Variants in COL15A1 observed in about 807,000 individuals in gnomAD.
COL15A1 encodes collagen alpha-1(XV) chain.
In COL15A1, 111 loss-of-function variants were observed where a neutral mutation model predicts 165.9. The ratio of observed to expected loss-of-function variants is 0.67; its 90% confidence interval spans 0.57 to 0.78. The LOEUF (loss-of-function observed/expected upper bound fraction) is 0.78. Among genes scored for constraint, COL15A1 ranks in the 30% least tolerant of loss-of-function variants. The pLI is 0.00. For missense variants in COL15A1, 1,745 were observed against 1,789.7 expected (o/e 0.98, Z 0.45); for synonymous variants, 659 against 674.8 (o/e 0.98, Z 0.36).
intron 35 of COL15A1, among the ~76,000 whole-genome samples, chr9:99,058,327 T>G (rs962270123): frequency 7.2e-4 from 110 of 152,292 alleles, no homozygotes; most frequent in African/African-American, 2.6e-3. Flanking sequence ...TCGGATCACA[T>G]GAGAACATGG....
chr9:98,977,985 C>T (rs1838168140), intron 2 of COL15A1, among the ~76,000 whole-genome samples: 1 of 152,306 alleles, frequency 6.6e-6, no homozygotes, highest in Non-Finnish European at 1.5e-5. Flanking sequence ...AGCTGACCAA[C>T]CATTGGCCAG....
At chr9:99,000,811 T>C (rs1334370517) in intron 6 of COL15A1, 28 bp from the exon 7 acceptor site, 1 of 1,047,734 alleles carries the variant, frequency 9.5e-7, no homozygotes, top group Non-Finnish European at 1.5e-6. Context: ...AATGTAGTTA[T>C]TGATAGCAGA....
rs373629283 is a variant in COL15A1, at chr9:98,968,640, CAA to C, written c.101-16923_101-16922del. 8.6e-4 allele frequency among the ~76,000 whole-genome samples: 131 copies of C among 152,304 alleles called. 1 individual carries two copies. The East Asian group carries it at 0.02, about 23-fold the overall frequency. The stretch of plus-strand genomic sequence containing the variant: ...CAAGATCCTTAACTTAATTACATCT[CAA>C]AGACTCTAAATGTAATGAACATATT... On this transcript the variant is annotated intron_variant, in intron 2 of 41. Transcript: ENST00000375001.
At chr9:99,039,879 C>T (rs747244519) in intron 22 of COL15A1, among the ~76,000 whole-genome samples, 1 of 152,128 alleles carries the variant, frequency 6.6e-6, no homozygotes, top group Middle Eastern at 3.2e-3. Context: ...TGTGCAATGC[C>T]GATGTCCCTG....
At chr9:98,951,569 C>T (rs1333867) in intron 2 of COL15A1, among the ~76,000 whole-genome samples, 112,159 of 152,110 alleles carry the variant, frequency 0.74, 41,753 homozygotes, top group East Asian at 1. Context: ...CATTTTTATT[C>T]TATTATTATT....
At chr9:98,987,428 G>C in intron 4 of COL15A1, 60 bp downstream of exon 4, 1 of 1,465,868 alleles carries the variant, frequency 6.8e-7, no homozygotes, top group Admixed American at 2.0e-5. Flanking sequence ...AGCCTGGGGA[G>C]GGCTGGATGC....
intron 21 of COL15A1, among the ~76,000 whole-genome samples, chr9:99,037,751 G>C (rs1839327141): frequency 6.6e-6 from 1 of 152,134 alleles, no homozygotes; most frequent in Admixed American, 6.5e-5. Flanking sequence ...CTTCCTAGAG[G>C]AAGTATCTTT....
chr9:98,970,336 C>T (rs1191165113), intron 2 of COL15A1, among the ~76,000 whole-genome samples: 1 of 152,194 alleles, frequency 6.6e-6, no homozygotes, highest in African/African-American at 2.4e-5. Flanking sequence ...CTTTGTGAAG[C>T]CAGGACCCCA....
chr9:98,965,314 G>C (rs1013598854), intron 2 of COL15A1, among the ~76,000 whole-genome samples: 2 of 152,116 alleles, frequency 1.3e-5, no homozygotes, highest in African/African-American at 4.8e-5. Context: ...GTCTCCTAAA[G>C]GAAAAAGAAT....
chr9:99,061,570 C>T (rs1825816839), intron 36 of COL15A1, among the ~76,000 whole-genome samples: 2 of 152,174 alleles, frequency 1.3e-5, no homozygotes, highest in African/African-American at 4.8e-5. Flanking sequence ...CAAGGACCAG[C>T]ATGAAGTAAC....
At chr9:99,036,082 A>G (rs1371257503) in intron 19 of COL15A1, 88 bp from the exon 20 acceptor site, 1 of 1,110,786 alleles carries the variant, frequency 9.0e-7, no homozygotes, top group Non-Finnish European at 1.4e-6. Context: ...AATAAGCATA[A>G]AAGCTTAGGG....
In COL15A1 at chr9:99,024,268, G is replaced by GTTTTTTTTTTTT. The variant is rs201734908; in HGVS notation, c.1855-598_1855-597insTTTTTTTTTTTT. Reference sequence around the variant, plus strand: ...TAAAAACAAGGCTACACCACAAGCAGTTTTTTTTGTTTTTTTGTTTTTTTT... The same window carrying GTTTTTTTTTTTT: ...TAAAAACAAGGCTACACCACAAGCAGTTTTTTTTTTTTTTTTTTTTGTTTTTTTGTTTTTTTT... On this transcript the variant is annotated intron_variant, in intron 14 of 41. Transcript: ENST00000375001. 9.6e-4 allele frequency among the ~76,000 whole-genome samples: 126 copies of GTTTTTTTTTTTT among 131,444 alleles called. 7 individuals are homozygous for GTTTTTTTTTTTT. The highest frequency in any genetic ancestry group is 3.8e-3 in the Middle Eastern group (1 of 260). 86.2% of individuals were successfully genotyped at this position (131,444 alleles called of 152,430 possible). A position where few individuals can be genotyped will look rare whatever the true frequency, so the allele number is the denominator to read the frequency against.
In COL15A1 at chr9:99,023,372, G is replaced by A; in HGVS notation, c.1777G>A (p.Glu593Lys). Reference protein sequence around the residue: ...PVGPTAGAEAEGSGLGWGSDV... With the variant: ...PVGPTAGAEAKGSGLGWGSDV... ...CTCTTTCCAGGCAGGAGCAGAAGCA[G>A]AGGGCTCTGGCCTAGGCTGGGGCTC... is the stretch of plus-strand genomic sequence containing the variant. The change falls in exon 14 of 42, where the codon GAG becomes AAG. Residue 593 changes from glutamate (E) to lysine (K), a missense_variant. Glu to Lys is a moderately conservative substitution (Grantham distance 56). Coordinates refer to ENST00000375001, the MANE Select transcript of COL15A1 (RefSeq NM_001855.5). 2 of 1,609,388 alleles carry A rather than the reference G, an allele frequency of 1.2e-6. No homozygotes were observed. The highest frequency in any genetic ancestry group is 1.3e-5 in the African/African-American group (1 of 74,896).
At chr9:99,067,101 A>G (rs1302061198) in intron 40 of COL15A1, 34 bp downstream of exon 40, 10 of 1,580,836 alleles carry the variant, frequency 6.3e-6, no homozygotes, top group South Asian at 5.7e-5. Flanking sequence ...TGCCTTCTGC[A>G]TGCATTGGTC....
intron 5 of COL15A1, among the ~76,000 whole-genome samples, chr9:98,991,119 C>T (rs537522770): frequency 2.0e-5 from 3 of 152,260 alleles, no homozygotes; most frequent in East Asian, 3.9e-4. Flanking sequence ...TGTTACAGCT[C>T]ATAAAGTCAG....
intron 23 of COL15A1, chr9:99,040,860 A>G (rs967065180): frequency 1.3e-5 from 5 of 393,596 alleles, no homozygotes; most frequent in African/African-American, 1.0e-4. Context: ...CACATATCAT[A>G]TGATAACACT....
At chr9:99,009,479 G>A (rs553984597) in intron 9 of COL15A1, among the ~76,000 whole-genome samples, 2 of 152,230 alleles carry the variant, frequency 1.3e-5, no homozygotes, top group South Asian at 2.1e-4. Flanking sequence ...AGCCAAATAT[G>A]TCTCTTTTGG....
chr9:99,066,126 G>A (rs1177823554), intron 39 of COL15A1, among the ~76,000 whole-genome samples: 1 of 151,964 alleles, frequency 6.6e-6, no homozygotes, highest in Admixed American at 6.6e-5. Flanking sequence ...GAGATTGATG[G>A]GAGGCAGGGA....
chr9:99,031,248 C>A (rs985855356), intron 16 of COL15A1, among the ~76,000 whole-genome samples: 1 of 152,176 alleles, frequency 6.6e-6, no homozygotes, highest in Non-Finnish European at 1.5e-5. Context: ...GAGCCCAGAC[C>A]ACCCTCAGCC....
Sources: allele counts gnomAD v4.1 joint callset (sites outside exome capture counted in the v4.1 genomes callset), GRCh38; gene constraint gnomAD v4.1.1; transcripts MANE v1.5; gene names NCBI Gene and HGNC (gene_info 2026-07-23, HGNC 2026-07-21).